The following DAPK2 variants were observed in gnomAD, a reference collection of about 807,000 sequenced individuals.
The protein encoded by DAPK2 is death associated protein kinase 2, also known as death-associated protein kinase 2.
In DAPK2, 35 loss-of-function variants were observed where a neutral mutation model predicts 44.1. The observed-to-expected ratio is 0.79, with a 90% CI of 0.61 to 1.05. DAPK2 has a LOEUF of 1.05. Ranked by LOEUF, DAPK2 falls within the 50% of genes least tolerant of loss-of-function variation. DAPK2 has a pLI of 0.00. For missense variants in DAPK2, 453 were observed against 483.2 expected (o/e 0.94, Z 0.59); for synonymous variants, 174 against 182.6 (o/e 0.95, Z 0.38).
chr15:63,949,484 C>A (rs368298822), intron 3 of DAPK2, among the ~76,000 whole-genome samples: 1 of 152,190 alleles, frequency 6.6e-6, no homozygotes, highest in Non-Finnish European at 1.5e-5. Flanking sequence ...TCAAAGCCAA[C>A]GGGTGAGGCT....
At chr15:64,030,518 T>C (rs1054052208) in intron 1 of DAPK2, among the ~76,000 whole-genome samples, 4 of 152,016 alleles carry the variant, frequency 2.6e-5, no homozygotes, top group Non-Finnish European at 5.9e-5. Context: ...CCAAGGGAAT[T>C]TGGTGGCCTG....
chr15:63,960,298 C>A (rs1226798947), intron 3 of DAPK2, among the ~76,000 whole-genome samples: 3 of 152,146 alleles, frequency 2.0e-5, no homozygotes, highest in African/African-American at 7.2e-5. Context: ...TTTCAAAAAA[C>A]CAGCTCCTGG....
intron 2 of DAPK2, among the ~76,000 whole-genome samples, chr15:63,973,437 G>A (rs2078266473): frequency 6.6e-6 from 1 of 152,212 alleles, no homozygotes; most frequent in African/African-American, 2.4e-5. Flanking sequence ...TCAATGTTTT[G>A]TACTGGCTCA....
In DAPK2 at chr15:63,912,569, A is replaced by T. The variant is rs1376203470; in HGVS notation, c.859-372T>A. Among the ~76,000 whole-genome samples the T allele has an allele frequency of 6.6e-6, 1 of 152,230 alleles. No individual in the cohort carries two copies. Among genetic ancestry groups the T allele is most frequent in the Non-Finnish European group, 1.5e-5 (1 of 68,038 alleles). On this transcript the variant is annotated intron_variant, in intron 8 of 10. Coordinates refer to ENST00000261891, the Ensembl canonical transcript of DAPK2. This position sits in a 1 kb window ranked among gnomAD's most constrained non-coding sequence, Gnocchi z 4.4. ...GCACTGGGGTGATTCTGGGCTTGGC[A>T]AAACAAATGCCTTGTTGGTAGACGG...
chr15:63,965,149 C>T (rs1009387361), intron 3 of DAPK2, among the ~76,000 whole-genome samples: 1 of 152,182 alleles, frequency 6.6e-6, no homozygotes, highest in Middle Eastern at 3.2e-3. Context: ...TTTGGTCACT[C>T]CAGCCAAATC....
At position 63,924,080 on chromosome 15, in the gene DAPK2, C is replaced by T. The variant is rs147615174; in HGVS notation, c.858+736G>A. Reference sequence around the variant, plus strand: ...TTAAGGTGAATGGGAAGTCTGGTGACGTCCCTGGGTGTGCATAGCTGGTCA... The same window carrying T: ...TTAAGGTGAATGGGAAGTCTGGTGATGTCCCTGGGTGTGCATAGCTGGTCA... On this transcript the variant is annotated intron_variant, in intron 8 of 10. Coordinates refer to ENST00000261891, the Ensembl canonical transcript of DAPK2. Among the ~76,000 whole-genome samples, 292 of 152,268 alleles carry T rather than the reference C, an allele frequency of 1.9e-3. 1 individual carries two copies. The highest frequency in any genetic ancestry group is 6.1e-3 in the African/African-American group (252 of 41,538).
At chr15:63,977,108 A>AG (rs5813270) in intron 2 of DAPK2, among the ~76,000 whole-genome samples, 89,760 of 151,972 alleles carry the variant, frequency 0.59, 27,453 homozygotes, top group East Asian at 0.96. Flanking sequence ...AAAAAAGAGA[A>AG]GGGGAAGGGG....
intron 3 of DAPK2, among the ~76,000 whole-genome samples, chr15:63,959,697 G>A (rs1446730127): frequency 1.3e-5 from 2 of 152,324 alleles, no homozygotes; most frequent in South Asian, 2.1e-4. Flanking sequence ...GCATCCCAGG[G>A]ATGAAGCCAA....
rs2077263373 is a variant in DAPK2 at position 63,939,912 on chromosome 15, A to G, written c.454-551T>C. ...TAGCCCACACTTCTCTCTGCGTTTA[A>G]CTAATTTTGGTCCTCAGCAGGACAC... On this transcript the variant is annotated intron_variant, in intron 3 of 10. Coordinates refer to ENST00000261891, the Ensembl canonical transcript of DAPK2. The surrounding 1 kb of genome is among the most constrained non-coding windows in gnomAD (Gnocchi z 4.3). Among the ~76,000 whole-genome samples, 1 of 152,174 alleles carries G rather than the reference A, an allele frequency of 6.6e-6. No homozygotes were observed. The highest frequency in any genetic ancestry group is 2.1e-4 in the South Asian group (1 of 4,826).
Position 63,999,376 on chromosome 15 carries a change from C to T in DAPK2, c.93-15622G>A, listed in dbSNP as rs184958978. ...CTGCCAACAGCTGCTTCTCGTGGAA[C>T]TGCAGGGTCAAACCACAGGGGAGAG... On this transcript the variant is annotated intron_variant, in intron 1 of 10. Transcript: ENST00000261891. 5.8e-4 allele frequency among the ~76,000 whole-genome samples: 88 copies of T among 152,278 alleles called. 1 individual carries two copies. The highest frequency in any genetic ancestry group is 3.4e-3 in the Middle Eastern group (1 of 294).
chr15:63,981,199 C>T (rs2078501309), intron 2 of DAPK2, among the ~76,000 whole-genome samples: 1 of 151,854 alleles, frequency 6.6e-6, no homozygotes, highest in African/African-American at 2.4e-5. Flanking sequence ...GGACTGGTAG[C>T]TATATAAGAA....
At chr15:64,001,168 C>T (rs2079075721) in intron 1 of DAPK2, among the ~76,000 whole-genome samples, 3 of 151,400 alleles carry the variant, frequency 2.0e-5, no homozygotes. Flanking sequence ...TGAGCCACTG[C>T]ACCCGGCCAG....
intron 1 of DAPK2, among the ~76,000 whole-genome samples, chr15:64,037,793 T>A (rs12913335): frequency 6.6e-6 from 1 of 151,980 alleles, no homozygotes. Flanking sequence ...AGAGAGGACC[T>A]CTAAAGGCCT....
At chr15:64,036,960 T>C (rs1260972550) in intron 1 of DAPK2, among the ~76,000 whole-genome samples, 2 of 152,164 alleles carry the variant, frequency 1.3e-5, no homozygotes, top group Admixed American at 6.5e-5. Flanking sequence ...ACTTACCCCA[T>C]GCCCAGCTCT....
At chr15:63,962,440 T>C (rs2077932692) in intron 3 of DAPK2, among the ~76,000 whole-genome samples, 1 of 152,212 alleles carries the variant, frequency 6.6e-6, no homozygotes, top group South Asian at 2.1e-4. Context: ...ATTTCTAGAA[T>C]TTTCAGCTTT....
chr15:64,040,008 C>T (rs1436695694), intron 1 of DAPK2, among the ~76,000 whole-genome samples, 162 bp downstream of exon 2: 3 of 152,170 alleles, frequency 2.0e-5, no homozygotes, highest in African/African-American at 4.8e-5. Flanking sequence ...GAGCAATGAC[C>T]ATGTGCAAAG....
intron 4 of DAPK2, among the ~76,000 whole-genome samples, chr15:63,934,862 C>G (rs1212435948): frequency 1.3e-5 from 2 of 152,108 alleles, no homozygotes; most frequent in Non-Finnish European, 2.9e-5. Context: ...GCCCAGCCAT[C>G]ATCACAATTT....
chr15:64,001,930 T>G (rs2079095331), intron 1 of DAPK2, among the ~76,000 whole-genome samples: 1 of 152,246 alleles, frequency 6.6e-6, no homozygotes, highest in African/African-American at 2.4e-5. Context: ...GCTGAAAATT[T>G]GCTTTCCTAC....
Position 63,923,098 on chromosome 15 carries a change from A to G in DAPK2, c.858+1718T>C. On this transcript the variant is annotated intron_variant, in intron 8 of 10. Coordinates refer to ENST00000261891, the Ensembl canonical transcript of DAPK2. This position sits in a 1 kb window ranked among gnomAD's most constrained non-coding sequence, Gnocchi z 4.2. ...CCTCTCGGTACCAAGCTTCCTTCTC[A>G]TTGAAGATGGAGACCAGGGCCTCCA... 6.5e-7 allele frequency: 1 copy of G among 1,535,738 alleles called. No individual in the cohort carries two copies.
Sources: allele counts gnomAD v4.1 joint callset (sites outside exome capture counted in the v4.1 genomes callset), GRCh38; gene constraint gnomAD v4.1.1; non-coding constraint Gnocchi (gnomAD v3.1); transcripts MANE v1.5; gene names NCBI Gene and HGNC (gene_info 2026-07-23, HGNC 2026-07-21).